RAPGEF5: variants seen among roughly 807,000 people sequenced by gnomAD.
The protein encoded by RAPGEF5 is Rap guanine nucleotide exchange factor 5, also known as M-Ras-regulated GEF.
Under a neutral mutation model 125.2 loss-of-function variants are expected in RAPGEF5, and 65 were observed. The observed-to-expected ratio is 0.52, with a 90% CI of 0.43 to 0.64. The LOEUF is 0.64. Among genes scored for constraint, RAPGEF5 ranks in the 30% least tolerant of loss-of-function variants. The pLI, the probability that RAPGEF5 is intolerant of heterozygous loss-of-function variation, is 0.00. For missense variants in RAPGEF5, 958 were observed against 1,048.1 expected (o/e 0.91, Z 1.19); for synonymous variants, 391 against 385.9 (o/e 1.01, Z -0.16).
At chr7:22,283,601 G>T (rs1583546794) in intron 6 of RAPGEF5, among the ~76,000 whole-genome samples, 2 of 152,086 alleles carry the variant, frequency 1.3e-5, no homozygotes, top group East Asian at 3.9e-4. Flanking sequence ...AGCTCCGTCG[G>T]CTTCTTTCAG....
At chr7:22,264,849 C>A (rs762257861) in intron 7 of RAPGEF5, among the ~76,000 whole-genome samples, 11 of 152,160 alleles carry the variant, frequency 7.2e-5, no homozygotes, top group Non-Finnish European at 1.2e-4. Context: ...TTTAAAAAAT[C>A]AAATCCTATC....
chr7:22,230,878 C>A lies in RAPGEF5; in HGVS notation c.838G>T (p.Val280Leu). The change falls in exon 8 of 26, where the codon GTA (valine) becomes TTA (leucine). Residue 280 changes from valine (V) to leucine (L), a missense_variant. Coordinates refer to ENST00000665637, the MANE Select transcript of RAPGEF5 (RefSeq NM_012294.5). The part of the protein sequence containing the change: ...DEENNDKHVA[V>L]TEAESVPDSQ... ...TCTGGAACACTTTCGGCTTCTGTTACAGCTACATGTTTGTCGTTGTTTTCT... is the reference window on the plus strand; with the variant it reads ...TCTGGAACACTTTCGGCTTCTGTTAAAGCTACATGTTTGTCGTTGTTTTCT... 1 of 1,566,552 alleles carries A rather than the reference C, an allele frequency of 6.4e-7. No homozygotes were observed. The highest frequency in any genetic ancestry group is 8.7e-7 in the Non-Finnish European group (1 of 1,153,644).
At chr7:22,270,427 A>G (rs1227196764) in intron 6 of RAPGEF5, among the ~76,000 whole-genome samples, 1 of 152,250 alleles carries the variant, frequency 6.6e-6, no homozygotes, top group Non-Finnish European at 1.5e-5. Context: ...TTATAAGACA[A>G]TGATGATTTT....
chr7:22,337,594 T>A (rs1232757662), intron 1 of RAPGEF5, among the ~76,000 whole-genome samples: 1 of 152,188 alleles, frequency 6.6e-6, no homozygotes, highest in Non-Finnish European at 1.5e-5. Flanking sequence ...AACTATCAAC[T>A]AAATTTCTCC....
rs369156194 is a variant in RAPGEF5, at chr7:22,242,965, AG to A, written c.797-12047del. On this transcript the variant is annotated intron_variant, in intron 7 of 25. Coordinates refer to ENST00000665637, the MANE Select transcript of RAPGEF5 (RefSeq NM_012294.5). Reference sequence around the variant, plus strand: ...TCCGTCTCAAAAAAAAAAAAAAAAAAGAAAGAAAGAAAGAAAGAAACAAGAG... The same window carrying A: ...TCCGTCTCAAAAAAAAAAAAAAAAAAAAAGAAAGAAAGAAAGAAACAAGAG... 3.5e-3 allele frequency among the ~76,000 whole-genome samples: 518 copies of A among 148,376 alleles called. 7 individuals carry two copies. Among genetic ancestry groups the A allele is most frequent in the South Asian group, 0.017 (80 of 4,704 alleles).
chr7:22,303,116 T>C (rs982743108), intron 5 of RAPGEF5, among the ~76,000 whole-genome samples: 2 of 152,194 alleles, frequency 1.3e-5, no homozygotes, highest in African/African-American at 4.8e-5. Context: ...GTTAGAAGCA[T>C]CTTACCAGTC....
At position 22,182,223 on chromosome 7, in the gene RAPGEF5, T is replaced by A. The variant is rs569682281; in HGVS notation, c.1204+11144A>T. Among the ~76,000 whole-genome samples the A allele has an allele frequency of 9.2e-5, 14 of 152,220 alleles. No individual in the cohort carries two copies. The East Asian group carries it at 2.1e-3, about 23-fold the overall frequency. On this transcript the variant is annotated intron_variant, in intron 11 of 25. Transcript: ENST00000665637. The stretch of plus-strand genomic sequence containing the variant: ...GGACATCTGATTATCTCACTTTAAA[T>A]CCAACAACCGTCTGGGGAGATGACA...
intron 1 of RAPGEF5, among the ~76,000 whole-genome samples, chr7:22,318,533 G>A (rs1476877565): frequency 2.0e-5 from 3 of 152,036 alleles, no homozygotes; most frequent in Non-Finnish European, 2.9e-5. Context: ...TTGCTTATCC[G>A]AGTTAATCCA....
chr7:22,256,759 G>A (rs1448341910), intron 7 of RAPGEF5, among the ~76,000 whole-genome samples: 2 of 152,190 alleles, frequency 1.3e-5, no homozygotes, highest in Non-Finnish European at 1.5e-5. Context: ...GAAAAGGGAA[G>A]TAACACATCT....
intron 7 of RAPGEF5, among the ~76,000 whole-genome samples, chr7:22,239,219 T>C (rs1786262759): frequency 6.6e-6 from 1 of 152,194 alleles, no homozygotes; most frequent in South Asian, 2.1e-4. Flanking sequence ...AGCAATGTCA[T>C]TAAGGCCGTA....
chr7:22,123,154 T>C (rs921461836), intron 25 of RAPGEF5, among the ~76,000 whole-genome samples: 7 of 152,302 alleles, frequency 4.6e-5, no homozygotes, highest in Non-Finnish European at 5.9e-5. Context: ...GACTAAAGTC[T>C]ACCCAGAGAA....
intron 5 of RAPGEF5, among the ~76,000 whole-genome samples, chr7:22,296,280 T>C (rs1014492053): frequency 1.6e-4 from 24 of 152,120 alleles, no homozygotes; most frequent in African/African-American, 4.6e-4. Context: ...GCTCAAGAGA[T>C]GACTGGCATT....
At chr7:22,140,243 C>G (rs1460189092) in intron 20 of RAPGEF5, 128 bp from the exon 21 acceptor site, 2 of 734,560 alleles carry the variant, frequency 2.7e-6, no homozygotes, top group African/African-American at 3.6e-5. Flanking sequence ...AGCCTACGTA[C>G]CCCTTACTGC....
chr7:22,259,417 T>C (rs1782091175), intron 7 of RAPGEF5, among the ~76,000 whole-genome samples: 3 of 152,188 alleles, frequency 2.0e-5, no homozygotes, highest in Admixed American at 1.3e-4. Context: ...GAATGCAAAA[T>C]AGTATAGCCA....
chr7:22,198,941 C>T (rs1034057266), intron 9 of RAPGEF5, among the ~76,000 whole-genome samples: 2 of 152,196 alleles, frequency 1.3e-5, no homozygotes, highest in African/African-American at 4.8e-5. Flanking sequence ...GTGCCCTTAA[C>T]CAGAACCACA....
intron 1 of RAPGEF5, among the ~76,000 whole-genome samples, chr7:22,331,265 G>A (rs1213111082): frequency 1.3e-5 from 2 of 152,184 alleles, no homozygotes; most frequent in African/African-American, 4.8e-5. Context: ...CAGTTCCTAA[G>A]CTGGACTGAA....
chr7:22,234,053 T>G (rs1481015421), intron 7 of RAPGEF5, among the ~76,000 whole-genome samples: 1 of 152,196 alleles, frequency 6.6e-6, no homozygotes, highest in African/African-American at 2.4e-5. Flanking sequence ...AACATTATTT[T>G]CTTGGAAATA....
At chr7:22,319,693 A>C (rs549885132) in intron 1 of RAPGEF5, among the ~76,000 whole-genome samples, 3 of 152,358 alleles carry the variant, frequency 2.0e-5, no homozygotes, top group Non-Finnish European at 4.4e-5. Flanking sequence ...GAATCATCAT[A>C]ATTTATTTTT....
chr7:22,236,601 A>T (rs1316458450), intron 7 of RAPGEF5, among the ~76,000 whole-genome samples: 1 of 152,042 alleles, frequency 6.6e-6, no homozygotes, highest in Non-Finnish European at 1.5e-5. Flanking sequence ...ATCTCTCCCT[A>T]AATCCTGTCA....
Sources: allele counts gnomAD v4.1 joint callset (sites outside exome capture counted in the v4.1 genomes callset), GRCh38; gene constraint gnomAD v4.1.1; transcripts MANE v1.5; gene names NCBI Gene and HGNC (gene_info 2026-07-23, HGNC 2026-07-21).